The following SNCAIP variants were observed in gnomAD, a reference collection of about 807,000 sequenced individuals.
SNCAIP encodes the protein synuclein alpha interacting protein.
SNCAIP carries 43 observed loss-of-function variants against 86.7 expected under a neutral mutation model. That is an observed-to-expected ratio of 0.50 (90% CI 0.39 to 0.64). The LOEUF (loss-of-function observed/expected upper bound fraction) is 0.64. Among genes scored for constraint, SNCAIP ranks in the 30% least tolerant of loss-of-function variants. The probability of loss-of-function intolerance (pLI) is 0.00; values close to 1 mark genes in which losing one functional copy is unlikely to be tolerated. For synonymous variants in SNCAIP, 417 were observed against 427.2 expected, an observed-to-expected ratio of 0.98 and a Z score of 0.29; for missense variants, 981 against 1,103.1, an observed-to-expected ratio of 0.89 and a Z score of 1.57.
chr5:122,444,103 C>G (rs756637803), intron 7 of SNCAIP: 4 of 457,252 alleles, frequency 8.7e-6, no homozygotes, highest in African/African-American at 8.0e-5. Context: ...TATTCCTGAT[C>G]AGGTTGGCGC....
At chr5:122,386,902 A>G (rs1768271529) in intron 1 of SNCAIP, among the ~76,000 whole-genome samples, 1 of 152,146 alleles carries the variant, frequency 6.6e-6, no homozygotes, top group South Asian at 2.1e-4. Context: ...GTAAAAAGAA[A>G]TGGGATGATT....
intron 4 of SNCAIP, among the ~76,000 whole-genome samples, chr5:122,424,140 G>A (rs1400579130): frequency 1.3e-5 from 2 of 152,130 alleles, no homozygotes; most frequent in East Asian, 3.8e-4. Context: ...GTAAACAGAG[G>A]GTCTTCTGTT....
intron 10 of SNCAIP, chr5:122,452,980 T>A: frequency 1.3e-6 from 2 of 1,547,128 alleles, no homozygotes; most frequent in Non-Finnish European, 1.7e-6. Context: ...GAAGAGCATC[T>A]GTGTAACGAC....
chr5:122,330,819 CA>C (rs1755172852), intron 1 of SNCAIP, among the ~76,000 whole-genome samples: 1 of 151,860 alleles, frequency 6.6e-6, no homozygotes, highest in South Asian at 2.1e-4. Flanking sequence ...ATTATTATTA[CA>C]TTGTAATATA....
At position 122,332,539 on chromosome 5, in the gene SNCAIP, A is replaced by T. The variant is rs535410918; in HGVS notation, c.-47+20255A>T. 3.0e-3 allele frequency among the ~76,000 whole-genome samples: 450 copies of T among 152,330 alleles called. 5 individuals are homozygous for T. Among genetic ancestry groups the T allele is most frequent in the African/African-American group, 0.01 (423 of 41,566 alleles). ...TAGAGCAAAATATAATTTCCCTTGA[A>T]TTAAGAGTACTGCCATGAAAGACAT... On this transcript the variant is annotated intron_variant, in intron 1 of 10. Transcript: ENST00000261368.
chr5:122,412,317 TA>T (rs1774297383), intron 3 of SNCAIP, among the ~76,000 whole-genome samples: 1 of 152,140 alleles, frequency 6.6e-6, no homozygotes, highest in Non-Finnish European at 1.5e-5. Flanking sequence ...CTATTTACCT[TA>T]AACATCCCTA....
intron 1 of SNCAIP, chr5:122,369,997 C>G (rs1447874777): frequency 6.6e-6 from 1 of 152,162 alleles, no homozygotes; most frequent in Non-Finnish European, 1.5e-5. Flanking sequence ...TTCCAAGCTT[C>G]ACTTTCCTTT....
At chr5:122,336,721 C>T (rs1756536220) in intron 1 of SNCAIP, 1 of 152,396 alleles carries the variant, frequency 6.6e-6, no homozygotes, top group African/African-American at 2.4e-5. Flanking sequence ...CCACCTCAGC[C>T]TCCCAAGCAA....
chr5:122,329,101 A>C (rs1392224173), intron 1 of SNCAIP, among the ~76,000 whole-genome samples: 1 of 152,224 alleles, frequency 6.6e-6, no homozygotes, highest in Non-Finnish European at 1.5e-5. Flanking sequence ...CATGTCTGCC[A>C]CATTTTCAAT....
chr5:122,327,946 A>C (rs1356490280), intron 1 of SNCAIP, among the ~76,000 whole-genome samples: 1 of 152,208 alleles, frequency 6.6e-6, no homozygotes, highest in Non-Finnish European at 1.5e-5. Flanking sequence ...AAGGCATCAC[A>C]GGAAAAGTCT....
In SNCAIP at chr5:122,325,563, T is replaced by C. The variant is rs181337122; in HGVS notation, c.-47+13279T>C. 1.7e-3 allele frequency among the ~76,000 whole-genome samples: 265 copies of C among 152,282 alleles called. 2 individuals carry two copies. Among genetic ancestry groups the C allele is most frequent in the Non-Finnish European group, 1.8e-3 (123 of 68,014 alleles). On this transcript the variant is annotated intron_variant, in intron 1 of 10. Coordinates refer to ENST00000261368, the MANE Select transcript of SNCAIP (RefSeq NM_005460.4). ...TTGGCCACAGCTTTGCAAATGCCCT[T>C]TTTACTAAACAACTCTCAAATTGCA...
chr5:122,418,387 T>C (rs1004658294), intron 3 of SNCAIP, among the ~76,000 whole-genome samples: 1 of 152,226 alleles, frequency 6.6e-6, no homozygotes, highest in African/African-American at 2.4e-5. Flanking sequence ...ACCTGTACTA[T>C]GTTTATTTAA....
At chr5:122,344,040 A>G (rs561161132) in intron 1 of SNCAIP, among the ~76,000 whole-genome samples, 2 of 152,292 alleles carry the variant, frequency 1.3e-5, no homozygotes, top group Middle Eastern at 3.4e-3. Context: ...ATTCAAAAAT[A>G]TTACAACCCT....
intron 1 of SNCAIP, among the ~76,000 whole-genome samples, chr5:122,326,653 G>T (rs1178663727): frequency 9.0e-6 from 1 of 110,802 alleles, no homozygotes; most frequent in Non-Finnish European, 1.7e-5. Context: ...ATTAAGTAGA[G>T]TCAAGGGAGG....
chr5:122,354,935 T>C (rs1456218838), intron 1 of SNCAIP, among the ~76,000 whole-genome samples: 1 of 152,202 alleles, frequency 6.6e-6, no homozygotes, highest in African/African-American at 2.4e-5. Context: ...AATATGTTTG[T>C]TTTTCTAGGC....
At chr5:122,412,847 C>A (rs1011360066) in intron 3 of SNCAIP, among the ~76,000 whole-genome samples, 1 of 152,206 alleles carries the variant, frequency 6.6e-6, no homozygotes, top group Admixed American at 6.5e-5. Flanking sequence ...TCTCATCAGG[C>A]GCTGAAGCCA....
At chr5:122,451,734 A>C (rs1211703689) in intron 10 of SNCAIP, 133 bp downstream of exon 10, 1 of 675,028 alleles carries the variant, frequency 1.5e-6, no homozygotes, top group Admixed American at 2.6e-5. Flanking sequence ...GATGCATGGA[A>C]AGCCAACTTC....
At chr5:122,413,799 T>A (rs1440748770) in intron 3 of SNCAIP, among the ~76,000 whole-genome samples, 3 of 152,148 alleles carry the variant, frequency 2.0e-5, no homozygotes, top group African/African-American at 7.2e-5. Flanking sequence ...AATTAGCAGC[T>A]GTAAGAACAG....
intron 3 of SNCAIP, among the ~76,000 whole-genome samples, chr5:122,420,856 A>G (rs2152921422): frequency 6.6e-6 from 1 of 152,364 alleles, no homozygotes; most frequent in South Asian, 2.1e-4. Flanking sequence ...TTGCATATTT[A>G]CATTTCATAA....
Sources: allele counts gnomAD v4.1 joint callset (sites outside exome capture counted in the v4.1 genomes callset), GRCh38; gene constraint gnomAD v4.1.1; transcripts MANE v1.5; gene names NCBI Gene and HGNC (gene_info 2026-07-23, HGNC 2026-07-21).